PDE4D: variants seen among roughly 807,000 people sequenced by gnomAD.
PDE4D encodes 3',5'-cyclic-AMP phosphodiesterase 4D.
A neutral mutation model predicts 87.4 loss-of-function variants in PDE4D; 24 were observed. The observed-to-expected ratio is 0.27, with a 90% CI of 0.20 to 0.39. The LOEUF (loss-of-function observed/expected upper bound fraction) is 0.39, where lower values mean the gene tolerates loss of function less well. Among genes scored for constraint, PDE4D ranks in the 10% least tolerant of loss-of-function variants. The pLI is 1.00. For synonymous variants in PDE4D, 384 were observed against 383.2 expected, an observed-to-expected ratio of 1.00 and a Z score of -0.02; for missense variants, 714 against 1,041.0, an observed-to-expected ratio of 0.69 and a Z score of 4.32.
chr5:59,552,042 C>T (rs1344643623), intron 1 of PDE4D, among the ~76,000 whole-genome samples: 2 of 151,718 alleles, frequency 1.3e-5, no homozygotes, highest in Non-Finnish European at 1.5e-5. Context: ...ACAGCAAGAC[C>T]CCATCTCTAC....
rs12658211 is a variant in PDE4D, at chr5:58,972,385, C to A, written c.*2279G>T. The stretch of plus-strand genomic sequence containing the variant: ...CCTTGCAATTAACTAGTTGATTCCT[C>A]TTCTGCTTTATGTAAAAGATCAGAG... On this transcript the variant is annotated 3_prime_UTR_variant, in exon 15 of 15. Transcript: ENST00000340635. The A allele has an allele frequency of 0.16, 24,449 of 152,412 alleles. 2,064 individuals are homozygous for A. The highest frequency in any genetic ancestry group is 0.19 in the Admixed American group (2,886 of 15,262). 9.4% of individuals were successfully genotyped at this position (152,412 alleles called of 1,614,324 possible). A position where few individuals can be genotyped will look rare whatever the true frequency, so the allele number is the denominator to read the frequency against.
chr5:59,119,765 C>T (rs899426107), intron 5 of PDE4D, among the ~76,000 whole-genome samples: 4 of 152,284 alleles, frequency 2.6e-5, no homozygotes, highest in African/African-American at 9.6e-5. Flanking sequence ...ATTCCACTAC[C>T]TTTCCCACTG....
intron 1 of PDE4D, among the ~76,000 whole-genome samples, chr5:60,415,174 A>G (rs1742381279): frequency 6.6e-6 from 1 of 152,244 alleles, no homozygotes; most frequent in South Asian, 2.1e-4. Context: ...GACCCTCTGC[A>G]TCTGATCAGG....
At chr5:60,321,864 T>A (rs1233947828) in intron 1 of PDE4D, among the ~76,000 whole-genome samples, 3 of 151,498 alleles carry the variant, frequency 2.0e-5, no homozygotes, top group Non-Finnish European at 4.4e-5. Context: ...CCAGTCAGAA[T>A]GGCTATGATT....
chr5:60,479,304 G>A (rs1748552805), intron 1 of PDE4D, among the ~76,000 whole-genome samples: 1 of 152,182 alleles, frequency 6.6e-6, no homozygotes, highest in Non-Finnish European at 1.5e-5. Context: ...TTTGCATCAT[G>A]TTATGTACTG....
intron 2 of PDE4D, among the ~76,000 whole-genome samples, chr5:60,069,479 A>C (rs561636717): frequency 6.6e-6 from 1 of 152,264 alleles, no homozygotes; most frequent in African/African-American, 2.4e-5. Flanking sequence ...TAGTAGCCCG[A>C]ATAGAATAAA....
chr5:59,643,880 A>G (rs565729444), intron 1 of PDE4D, among the ~76,000 whole-genome samples: 2 of 152,346 alleles, frequency 1.3e-5, no homozygotes, highest in Admixed American at 6.5e-5. Flanking sequence ...TAATTCACTA[A>G]TAATACATAA....
chr5:59,809,659 C>T (rs932049154), intron 1 of PDE4D, among the ~76,000 whole-genome samples: 7 of 152,094 alleles, frequency 4.6e-5, no homozygotes, highest in African/African-American at 1.4e-4. Flanking sequence ...ACTGTGCAGG[C>T]GGAGCTCAAG....
chr5:60,177,669 T>C (rs908634663), intron 2 of PDE4D, among the ~76,000 whole-genome samples: 10 of 152,082 alleles, frequency 6.6e-5, no homozygotes, highest in African/African-American at 2.4e-4. Context: ...ATGTGAAAAA[T>C]TATTATTGAG....
At chr5:59,872,739 A>C (rs1186160830) in intron 1 of PDE4D, among the ~76,000 whole-genome samples, 2 of 152,180 alleles carry the variant, frequency 1.3e-5, no homozygotes, top group Non-Finnish European at 2.9e-5. Context: ...GTTAACATCT[A>C]CCTAGAAGCT....
intron 1 of PDE4D, among the ~76,000 whole-genome samples, chr5:60,501,727 T>G (rs1228799122): frequency 6.6e-6 from 1 of 152,122 alleles, no homozygotes; most frequent in Non-Finnish European, 1.5e-5. Context: ...ATTGTGGTTT[T>G]GATTTGCATT....
intron 5 of PDE4D, among the ~76,000 whole-genome samples, chr5:59,153,737 A>G (rs1271680531): frequency 1.4e-5 from 2 of 147,476 alleles, no homozygotes; most frequent in Non-Finnish European, 3.0e-5. Flanking sequence ...AAGAATTGCT[A>G]TACTGGTGGG....
intron 1 of PDE4D, among the ~76,000 whole-genome samples, chr5:59,331,577 C>T (rs181736010): frequency 2.6e-5 from 4 of 152,218 alleles, no homozygotes; most frequent in Admixed American, 2.6e-4. Flanking sequence ...GCCCATAAGC[C>T]TCATGTTTTC....
chr5:59,247,603 A>C (rs1328151986), intron 1 of PDE4D, among the ~76,000 whole-genome samples: 1 of 152,104 alleles, frequency 6.6e-6, no homozygotes, highest in Non-Finnish European at 1.5e-5. Context: ...GTTACTAAGG[A>C]TACCCTTGAT....
intron 2 of PDE4D, among the ~76,000 whole-genome samples, chr5:60,184,602 C>T (rs949147602): frequency 1.3e-5 from 2 of 152,184 alleles, no homozygotes; most frequent in African/African-American, 2.4e-5. Context: ...AGCATATCCT[C>T]ATTTTTTAAC....
intron 1 of PDE4D, among the ~76,000 whole-genome samples, chr5:59,879,138 G>A (rs934297045): frequency 6.6e-6 from 1 of 151,114 alleles, no homozygotes; most frequent in Admixed American, 6.6e-5. Context: ...CTGACCTCGT[G>A]ATCCGCTCTC....
At chr5:60,418,252 T>C (rs1742788423) in intron 1 of PDE4D, among the ~76,000 whole-genome samples, 2 of 152,190 alleles carry the variant, frequency 1.3e-5, no homozygotes, top group Admixed American at 1.3e-4. Flanking sequence ...AGTTAGACTG[T>C]GCATTTGAAA....
intron 12 of PDE4D, 117 bp from the exon 13 acceptor site, chr5:58,976,589 T>C (rs1743856015): frequency 1.2e-6 from 1 of 813,300 alleles, no homozygotes; most frequent in Non-Finnish European, 1.9e-6. Flanking sequence ...TTAATGACAG[T>C]GGAAAATCCT....
chr5:60,303,668 T>G (rs1269612262), intron 1 of PDE4D, among the ~76,000 whole-genome samples: 6 of 152,194 alleles, frequency 3.9e-5, no homozygotes, highest in African/African-American at 1.4e-4. Flanking sequence ...TGAGAGACTG[T>G]TATGATTTCA....
Sources: allele counts gnomAD v4.1 joint callset (sites outside exome capture counted in the v4.1 genomes callset), GRCh38; gene constraint gnomAD v4.1.1; transcripts MANE v1.5; gene names NCBI Gene and HGNC (gene_info 2026-07-23, HGNC 2026-07-21).